The following MEAK7 variants were observed in gnomAD, a reference collection of about 807,000 sequenced individuals.
MEAK7 encodes MTOR-associated protein MEAK7.
In MEAK7, 68 loss-of-function variants were observed where a neutral mutation model predicts 40.5. The observed-to-expected ratio is 1.68, with a 90% CI of 1.38 to 2.06. MEAK7 has a LOEUF of 2.06. Among genes scored for constraint, MEAK7 ranks in the 30% most tolerant of loss-of-function variants. The pLI is 0.00. For synonymous variants in MEAK7, 338 were observed against 231.9 expected (o/e 1.46, Z -4.16); for missense variants, 918 against 580.5 (o/e 1.58, Z -5.98).
chr16:84,488,536 T>C (rs1043916126), intron 4 of MEAK7: 5 of 152,152 alleles, frequency 3.3e-5, no homozygotes, highest in Non-Finnish European at 5.9e-5. Context: ...GACCATACTA[T>C]AGGCCATAAA....
At chr16:84,484,396 C>T (rs749101297) in intron 5 of MEAK7, among the ~76,000 whole-genome samples, 13 of 152,206 alleles carry the variant, frequency 8.5e-5, no homozygotes, top group Non-Finnish European at 1.0e-4. Flanking sequence ...AGCATGGTTT[C>T]GTGTAATTCT....
At chr16:84,486,432 T>C (rs1913062312) in intron 5 of MEAK7, 199 bp downstream of exon 5, 1 of 1,359,876 alleles carries the variant, frequency 7.4e-7, no homozygotes. Flanking sequence ...AAACTGGGGG[T>C]CACACGGCCT....
intron 1 of MEAK7, chr16:84,504,240 G>C: frequency 1.2e-6 from 1 of 814,114 alleles, no homozygotes; most frequent in Non-Finnish European, 1.5e-6. Context: ...CCTCCTCCGT[G>C]GAGGCACCCC....
rs1462409151 is a variant in MEAK7 at position 84,478,953 on chromosome 16, C to A, written c.*960G>T. 1 of 152,212 alleles carries A rather than the reference C, an allele frequency of 6.6e-6. No homozygotes were observed. The highest frequency in any genetic ancestry group is 2.4e-5 in the African/African-American group (1 of 41,450). 9.4% of individuals were successfully genotyped at this position (152,212 alleles called of 1,614,324 possible). ...TATACGTATTTATCAACCAAGTTCCCAAACTTAGGGTGCCCAATGTCCCTC... is the reference window on the plus strand; with the variant it reads ...TATACGTATTTATCAACCAAGTTCCAAAACTTAGGGTGCCCAATGTCCCTC... On this transcript the variant is annotated 3_prime_UTR_variant, in exon 8 of 8. Coordinates refer to ENST00000343629, the MANE Select transcript of MEAK7 (RefSeq NM_020947.4).
chr16:84,497,696 G>C (rs190073768), intron 2 of MEAK7: 11 of 1,454,126 alleles, frequency 7.6e-6, no homozygotes, highest in African/African-American at 7.0e-5. Context: ...GGAGGGATGC[G>C]TTTAGACACT....
intron 3 of MEAK7, among the ~76,000 whole-genome samples, chr16:84,491,070 G>T (rs1597949112): frequency 6.6e-6 from 1 of 152,164 alleles, no homozygotes; most frequent in South Asian, 2.1e-4. Flanking sequence ...TCATTGAAAA[G>T]ATCAACAAAA....
chr16:84,486,356 G>C, intron 5 of MEAK7: 1 of 976,280 alleles, frequency 1.0e-6, no homozygotes, highest in Non-Finnish European at 1.3e-6. Context: ...GGCATCTGTG[G>C]CTTGACTTCT....
chr16:84,481,383 C>T (rs1037584014), intron 6 of MEAK7, among the ~76,000 whole-genome samples: 3 of 152,324 alleles, frequency 2.0e-5, no homozygotes, highest in African/African-American at 7.2e-5. Flanking sequence ...AGTTGACACG[C>T]GGAGCCGCTC....
chr16:84,485,727 G>C (rs1469204036), intron 5 of MEAK7, among the ~76,000 whole-genome samples: 1 of 152,096 alleles, frequency 6.6e-6, no homozygotes, highest in Non-Finnish European at 1.5e-5. Context: ...CTGTTGCTCA[G>C]GCTGGAGTGC....
At chr16:84,489,782 G>C (rs963266592) in intron 3 of MEAK7, among the ~76,000 whole-genome samples, 2 of 152,142 alleles carry the variant, frequency 1.3e-5, no homozygotes, top group Non-Finnish European at 2.9e-5. Context: ...CCCAAATTTG[G>C]TTGAGATCTA....
At position 84,495,923 on chromosome 16, in the gene MEAK7, A is replaced by C. The variant is rs755885897; in HGVS notation, c.154-10T>G. 1.4e-5 allele frequency: 22 copies of C among 1,613,440 alleles called. No individual in the cohort carries two copies. The African/African-American group carries it at 2.9e-4, about 22-fold the overall frequency. The stretch of plus-strand genomic sequence containing the variant: ...CTTCCCCGACGTGGTTCTGCCGGGG[A>C]CAAGCAGAAAAATATGGTTAGACAG... On this transcript the variant is annotated splice_polypyrimidine_tract_variant and intron_variant, in intron 2 of 7. Transcript: ENST00000343629.
chr16:84,480,245 C>T (rs1247230126), intron 7 of MEAK7, among the ~76,000 whole-genome samples: 1 of 152,058 alleles, frequency 6.6e-6, no homozygotes, highest in East Asian at 1.9e-4. Flanking sequence ...GGAAGGAACC[C>T]TAGACATTCC....
At position 84,491,912 on chromosome 16, in the gene MEAK7, A is replaced by AT. The variant is rs1913650610; in HGVS notation, c.385-2491dup. On this transcript the variant is annotated intron_variant, in intron 3 of 7. Coordinates refer to ENST00000343629, the MANE Select transcript of MEAK7 (RefSeq NM_020947.4). ...ATTAAGGTTATCATATCCATGTAAC[A>AT]TTTTGTATTGTTTTTAAAGTCCTTT... Among the ~76,000 whole-genome samples the AT allele has an allele frequency of 2.6e-5, 4 of 152,270 alleles. No homozygotes were observed. In the South Asian group the frequency reaches 8.3e-4, roughly 32 times the overall value.
At chr16:84,495,043 C>G (rs907723566) in intron 3 of MEAK7, among the ~76,000 whole-genome samples, 3 of 152,148 alleles carry the variant, frequency 2.0e-5, no homozygotes, top group African/African-American at 7.2e-5. Flanking sequence ...CCAAGGCAGG[C>G]GGACCACCTA....
At chr16:84,500,728 C>A (rs911508330) in intron 1 of MEAK7, among the ~76,000 whole-genome samples, 1 of 152,094 alleles carries the variant, frequency 6.6e-6, no homozygotes, top group African/African-American at 2.4e-5. Context: ...CAATGTCCAG[C>A]GGCAGGCGGC....
At chr16:84,488,192 A>G (rs934030681) in intron 4 of MEAK7, 2 of 152,152 alleles carry the variant, frequency 1.3e-5, no homozygotes, top group African/African-American at 2.4e-5. Flanking sequence ...TTTAATTTTT[A>G]TTTTCATGAT....
chr16:84,497,663 G>C (rs950884311), intron 2 of MEAK7: 2 of 1,447,218 alleles, frequency 1.4e-6, no homozygotes, highest in Admixed American at 4.1e-5. Context: ...GTACAGATAA[G>C]AGACTATTGA....
At chr16:84,483,820 G>A (rs1912791920) in intron 5 of MEAK7, among the ~76,000 whole-genome samples, 1 of 152,220 alleles carries the variant, frequency 6.6e-6, no homozygotes, top group Non-Finnish European at 1.5e-5. Flanking sequence ...GGGATCCCAT[G>A]AGGACAAGGT....
chr16:84,493,426 G>C (rs1158456780), intron 3 of MEAK7, among the ~76,000 whole-genome samples: 1 of 152,180 alleles, frequency 6.6e-6, no homozygotes, highest in African/African-American at 2.4e-5. Context: ...GTATTCATGA[G>C]GATTGCCGAT....
Sources: gnomAD v4.1 joint callset for allele counts (sites outside exome capture counted in the v4.1 genomes callset) on GRCh38, gnomAD v4.1.1 for gene constraint, MANE v1.5 for transcripts, NCBI Gene and HGNC (gene_info 2026-07-23, HGNC 2026-07-21) for gene names.